NAALADL2: variants seen among roughly 807,000 people sequenced by gnomAD.
NAALADL2 encodes the protein N-acetylated alpha-linked acidic dipeptidase like 2.
In NAALADL2, 76 loss-of-function variants were observed where a neutral mutation model predicts 87.2. That is an observed-to-expected ratio of 0.87 (90% CI 0.72 to 1.05). The LOEUF (loss-of-function observed/expected upper bound fraction) is 1.05. Among genes scored for constraint, NAALADL2 ranks in the 50% least tolerant of loss-of-function variants. NAALADL2 has a pLI of 0.00. For synonymous variants in NAALADL2, 354 were observed against 331.0 expected, an observed-to-expected ratio of 1.07 and a Z score of -0.75; for missense variants, 1,089 against 945.8, an observed-to-expected ratio of 1.15 and a Z score of -1.99.
At chr3:175,536,108 G>A (rs1734783141) in intron 9 of NAALADL2, among the ~76,000 whole-genome samples, 1 of 152,130 alleles carries the variant, frequency 6.6e-6, no homozygotes. Context: ...TTGAATTCTC[G>A]CTCTGCCACT....
intron 3 of NAALADL2, among the ~76,000 whole-genome samples, chr3:174,844,005 A>G (rs953287599): frequency 1.3e-5 from 2 of 152,154 alleles, no homozygotes; most frequent in African/African-American, 2.4e-5. Flanking sequence ...TTGCTATGCA[A>G]AAGCTTTTCA....
chr3:175,077,781 T>C (rs1716900363), intron 1 of NAALADL2, among the ~76,000 whole-genome samples: 1 of 152,108 alleles, frequency 6.6e-6, no homozygotes, highest in South Asian at 2.1e-4. Context: ...ATATAATCAT[T>C]ATGGGTGTGC....
At chr3:175,513,481 A>G (rs927665227) in intron 9 of NAALADL2, among the ~76,000 whole-genome samples, 1 of 152,198 alleles carries the variant, frequency 6.6e-6, no homozygotes, top group Non-Finnish European at 1.5e-5. Flanking sequence ...ATATCCAATA[A>G]TGTGCATATT....
At chr3:174,456,752 A>T (rs1004398559) in intron 1 of NAALADL2, among the ~76,000 whole-genome samples, 1 of 152,144 alleles carries the variant, frequency 6.6e-6, no homozygotes, top group Non-Finnish European at 1.5e-5. Flanking sequence ...GTAAAACCCA[A>T]AACTATAAAA....
chr3:175,703,224 T>A (rs982016077), intron 11 of NAALADL2, among the ~76,000 whole-genome samples: 2 of 152,160 alleles, frequency 1.3e-5, no homozygotes, highest in Non-Finnish European at 2.9e-5. Context: ...TTTTTCTTTT[T>A]TAAGTAGAGA....
intron 2 of NAALADL2, among the ~76,000 whole-genome samples, chr3:175,113,375 C>T (rs1299765147): frequency 6.6e-6 from 1 of 151,490 alleles, no homozygotes; most frequent in African/African-American, 2.4e-5. Context: ...AGGCACAGTA[C>T]ACAAAACTGC....
chr3:175,392,990 A>G (rs971895184), intron 5 of NAALADL2, among the ~76,000 whole-genome samples: 3 of 152,214 alleles, frequency 2.0e-5, no homozygotes, highest in Non-Finnish European at 4.4e-5. Context: ...CATCTTTAAA[A>G]TGGGAATAAA....
rs563406281 is a variant in NAALADL2 at position 175,324,198 on chromosome 3, A to G, written c.963A>G (p.Gly321=). Residue 321 remains glycine (G), a synonymous_variant, in exon 5 of 14, where the codon GGA becomes GGG. Transcript: ENST00000454872. Reference sequence around the variant, plus strand: ...AGCTTTCCTCATTGGAAAAGGCTGGATTTGGAGGTGTTCTTCTGTATATCG... The same window carrying G: ...AGCTTTCCTCATTGGAAAAGGCTGGGTTTGGAGGTGTTCTTCTGTATATCG... ...LYKLSSLEKA[G]FGGVLLYIDP... 8.1e-6 allele frequency: 13 copies of G among 1,613,298 alleles called. No individual in the cohort carries two copies. The African/African-American group carries it at 1.1e-4, about 13-fold the overall frequency.
intron 9 of NAALADL2, among the ~76,000 whole-genome samples, chr3:175,504,748 C>T (rs1730063550): frequency 6.6e-6 from 1 of 151,996 alleles, no homozygotes; most frequent in African/African-American, 2.4e-5. Flanking sequence ...GGCGTCCAAG[C>T]TAAGTTAGTG....
intron 13 of NAALADL2, among the ~76,000 whole-genome samples, chr3:175,801,184 G>T (rs1177590618): frequency 6.6e-6 from 1 of 152,096 alleles, no homozygotes; most frequent in Non-Finnish European, 1.5e-5. Flanking sequence ...TTAAGTCTTT[G>T]TCACCTTTCA....
At chr3:175,431,969 T>G (rs1387417835) in intron 5 of NAALADL2, among the ~76,000 whole-genome samples, 2 of 151,926 alleles carry the variant, frequency 1.3e-5, no homozygotes, top group African/African-American at 4.8e-5. Context: ...ACTTTTCACA[T>G]GGATCTTTAC....
chr3:175,323,939 A>G (rs1383786988), intron 4 of NAALADL2, among the ~76,000 whole-genome samples: 6 of 149,474 alleles, frequency 4.0e-5, no homozygotes, highest in African/African-American at 1.2e-4. Context: ...AATGGCGTGA[A>G]CCCGGGAGGT....
At chr3:174,851,276 A>T (rs1228198929) in intron 3 of NAALADL2, among the ~76,000 whole-genome samples, 1 of 151,556 alleles carries the variant, frequency 6.6e-6, no homozygotes, top group Non-Finnish European at 1.5e-5. Flanking sequence ...AGTAAATGGG[A>T]TTGAAACAAA....
intron 1 of NAALADL2, among the ~76,000 whole-genome samples, chr3:175,096,171 GT>G (rs1193558215): frequency 6.6e-6 from 1 of 151,940 alleles, no homozygotes; most frequent in Non-Finnish European, 1.5e-5. Context: ...TCTTAAAGTT[GT>G]GTAATCTTTT....
chr3:174,501,143 A>G (rs1578034982), intron 1 of NAALADL2, among the ~76,000 whole-genome samples: 1 of 116,054 alleles, frequency 8.6e-6, no homozygotes, highest in African/African-American at 4.1e-5. Context: ...CAGTGGCGGG[A>G]TCTCGGCTCA....
chr3:175,357,256 G>A (rs1764484786), intron 5 of NAALADL2, among the ~76,000 whole-genome samples: 1 of 152,142 alleles, frequency 6.6e-6, no homozygotes, highest in African/African-American at 2.4e-5. Flanking sequence ...AAGATCAGTG[G>A]AGGAAAAGTG....
chr3:175,010,029 A>G (rs1367973561), intron 1 of NAALADL2, among the ~76,000 whole-genome samples: 1 of 152,124 alleles, frequency 6.6e-6, no homozygotes, highest in Non-Finnish European at 1.5e-5. Context: ...ATTGACTGGA[A>G]TTTAATACCA....
chr3:174,632,599 C>T (rs931267830), intron 2 of NAALADL2, among the ~76,000 whole-genome samples: 2 of 151,856 alleles, frequency 1.3e-5, no homozygotes, highest in Admixed American at 6.6e-5. Context: ...CAATAGATTT[C>T]AGGAGGAAGA....
chr3:175,102,891 C>T (rs1276809001), intron 2 of NAALADL2, among the ~76,000 whole-genome samples: 2 of 152,016 alleles, frequency 1.3e-5, no homozygotes, highest in African/African-American at 2.4e-5. Context: ...AGGCAGATCA[C>T]GAGGTCAAGA....
Sources: gnomAD v4.1 joint callset for allele counts (sites outside exome capture counted in the v4.1 genomes callset) on GRCh38, gnomAD v4.1.1 for gene constraint, MANE v1.5 for transcripts, NCBI Gene and HGNC (gene_info 2026-07-23, HGNC 2026-07-21) for gene names.